Variants in AK7 observed in about 807,000 individuals in gnomAD.
AK7 encodes adenylate kinase 7, also known as ATP-AMP transphosphorylase 7.
AK7 carries 78 observed loss-of-function variants against 96.6 expected under a neutral mutation model. The observed-to-expected ratio is 0.81, with a 90% CI of 0.67 to 0.97. The LOEUF is 0.97. AK7 is among the 50% of genes least tolerant of loss of function. The probability of loss-of-function intolerance (pLI) is 0.00; values close to 1 mark genes in which losing one functional copy is unlikely to be tolerated. For missense variants in AK7, 855 were observed against 887.9 expected, an observed-to-expected ratio of 0.96 and a Z score of 0.47; for synonymous variants, 302 against 317.2, an observed-to-expected ratio of 0.95 and a Z score of 0.51.
chr14:96,393,538 T>G (rs1042709426), intron 1 of AK7, among the ~76,000 whole-genome samples: 8 of 152,178 alleles, frequency 5.3e-5, no homozygotes, highest in African/African-American at 1.9e-4. Context: ...TTCTGGTAGT[T>G]GCCAATAATT....
chr14:96,409,358 G>T (rs1347261528), intron 4 of AK7, among the ~76,000 whole-genome samples: 1 of 152,196 alleles, frequency 6.6e-6, no homozygotes, highest in Non-Finnish European at 1.5e-5. Context: ...GACCATCTGA[G>T]GTCAGGAGTT....
chr14:96,412,226 CTTT>C (rs34331496), intron 4 of AK7, among the ~76,000 whole-genome samples: 40,705 of 120,906 alleles, frequency 0.34, 6,056 homozygotes, highest in Middle Eastern at 0.41. Context: ...TTCTTTCTTT[CTTT>C]TTTTTTTTTT....
intron 16 of AK7, 52 bp downstream of exon 16, chr14:96,483,271 G>T (rs1895606252): frequency 2.0e-6 from 3 of 1,536,996 alleles, no homozygotes; most frequent in Admixed American, 2.0e-5. Flanking sequence ...CAGGGGTGCG[G>T]TGCCTGGCAA....
chr14:96,438,783 T>C (rs966296891), intron 6 of AK7, among the ~76,000 whole-genome samples: 1 of 152,158 alleles, frequency 6.6e-6, no homozygotes, highest in Non-Finnish European at 1.5e-5. Flanking sequence ...ATTTGGGGCA[T>C]GGGCAGGAGC....
intron 12 of AK7, among the ~76,000 whole-genome samples, chr14:96,466,243 AT>A (rs905279737): frequency 7.8e-5 from 11 of 140,310 alleles, no homozygotes; most frequent in East Asian, 4.2e-4. Context: ...TTATTTATTT[AT>A]TTTTTTTTTG....
At chr14:96,451,357 G>A in intron 9 of AK7, 64 bp from the exon 10 acceptor site, 1 of 1,393,408 alleles carries the variant, frequency 7.2e-7, no homozygotes, top group Non-Finnish European at 9.5e-7. Flanking sequence ...AGTGATTTTG[G>A]TCTGTTATGA....
At chr14:96,404,910 G>A (rs1890622217) in intron 3 of AK7, 45 bp downstream of exon 3, 3 of 1,398,746 alleles carry the variant, frequency 2.1e-6, no homozygotes, top group Non-Finnish European at 3.0e-6. Context: ...CTATTGTAGT[G>A]CTGCCTACTT....
intron 5 of AK7, chr14:96,423,868 C>A: frequency 1.1e-6 from 1 of 872,548 alleles, no homozygotes; most frequent in Non-Finnish European, 2.0e-6. Context: ...CACATTTCAG[C>A]GGCCTGTGCC....
At chr14:96,424,211 C>T in intron 5 of AK7, 1 of 526,992 alleles carries the variant, frequency 1.9e-6, no homozygotes, top group Non-Finnish European at 3.5e-6. Context: ...TGAGGTTCAC[C>T]CGCGTGGCGG....
At chr14:96,401,981 G>A (rs974057567) in intron 2 of AK7, among the ~76,000 whole-genome samples, 11 of 152,200 alleles carry the variant, frequency 7.2e-5, no homozygotes, top group South Asian at 2.1e-4. Context: ...GGCTAAGGGC[G>A]TGAGTAGGGG....
At chr14:96,434,967 A>G (rs1248285426) in intron 5 of AK7, among the ~76,000 whole-genome samples, 1 of 151,972 alleles carries the variant, frequency 6.6e-6, no homozygotes, top group Non-Finnish European at 1.5e-5. Context: ...CTGGCCTGGG[A>G]CTCACCCTTC....
chr14:96,414,761 T>TTC (rs1555377227), intron 4 of AK7, among the ~76,000 whole-genome samples: 9 of 143,286 alleles, frequency 6.3e-5, no homozygotes, highest in African/African-American at 2.3e-4. Context: ...TTCCTTCTTT[T>TTC]TTTTTTTTTT....
intron 5 of AK7, among the ~76,000 whole-genome samples, chr14:96,434,225 G>A (rs1369981657): frequency 1.3e-5 from 2 of 152,220 alleles, no homozygotes; most frequent in African/African-American, 4.8e-5. Context: ...ATATTCAAAA[G>A]GACATGGGTG....
intron 2 of AK7, among the ~76,000 whole-genome samples, chr14:96,402,000 C>A (rs1890436245): frequency 6.6e-6 from 1 of 152,174 alleles, no homozygotes; most frequent in African/African-American, 2.4e-5. Flanking sequence ...GGCTGAAGAG[C>A]AGCCTGTTAT....
At chr14:96,478,388 G>C in intron 14 of AK7, 77 bp from the exon 15 acceptor site, 41 of 1,460,198 alleles carry the variant, frequency 2.8e-5, no homozygotes, top group Non-Finnish European at 3.9e-5. Context: ...GGTAACCAGG[G>C]GGCCATGCGT....
chr14:96,483,686 A>G (rs1469679620), intron 16 of AK7, among the ~76,000 whole-genome samples: 1 of 152,164 alleles, frequency 6.6e-6, no homozygotes, highest in Non-Finnish European at 1.5e-5. Context: ...TCTGCCTCCC[A>G]AAGTGCTGGG....
At chr14:96,485,580 A>C (rs1457890348) in intron 16 of AK7, among the ~76,000 whole-genome samples, 1 of 152,244 alleles carries the variant, frequency 6.6e-6, no homozygotes, top group African/African-American at 2.4e-5. Flanking sequence ...TGTGCATCAC[A>C]TAGTATCCTC....
At chr14:96,451,208 A>G (rs1893581790) in intron 9 of AK7, among the ~76,000 whole-genome samples, 2 of 152,236 alleles carry the variant, frequency 1.3e-5, no homozygotes, top group Admixed American at 1.3e-4. Flanking sequence ...GTTCAGCCAG[A>G]AGGTGGCCCG....
chr14:96,425,728 C>G (rs771448831), intron 5 of AK7, among the ~76,000 whole-genome samples: 1 of 152,150 alleles, frequency 6.6e-6, no homozygotes. Context: ...AGGTGATTCA[C>G]CTGCCTCGGC....
Sources: gnomAD v4.1 joint callset for allele counts (sites outside exome capture counted in the v4.1 genomes callset) on GRCh38, gnomAD v4.1.1 for gene constraint, MANE v1.5 for transcripts, NCBI Gene and HGNC (gene_info 2026-07-23, HGNC 2026-07-21) for gene names.